OGT: variants seen among roughly 807,000 people sequenced by gnomAD.
OGT encodes the protein O-linked N-acetylglucosamine (GlcNAc) transferase, also known as UDP-N-acetylglucosamine--peptide N-acetylglucosaminyltransferase 110 kDa subunit.
Under a neutral mutation model 75.8 loss-of-function variants are expected in OGT, and 3 were observed. That is an observed-to-expected ratio of 0.04 (90% CI 0.02 to 0.10). OGT has a LOEUF of 0.10. Ranked by LOEUF, OGT falls within the 10% of genes least tolerant of loss-of-function variation. OGT has a pLI of 1.00. For missense variants in OGT, 260 were observed against 824.4 expected, an observed-to-expected ratio of 0.32 and a Z score of 8.38; for synonymous variants, 257 against 289.7, an observed-to-expected ratio of 0.89 and a Z score of 1.15.
intron 7 of OGT, 134 bp downstream of exon 7, chrX:71,555,519 C>T (rs1475014999): frequency 7.1e-6 from 4 of 565,029 alleles, no homozygotes; most frequent in Admixed American, 3.8e-5. Flanking sequence ...CTTAGGGTTT[C>T]GAGACCAGCC....
chrX:71,537,761 G>T, intron 2 of OGT, 68 bp from the exon 3 acceptor site: 2 of 1,150,278 alleles, frequency 1.7e-6, no homozygotes, highest in Non-Finnish European at 2.4e-6. Flanking sequence ...TGTTTGAGTT[G>T]CATATGGGCC....
chrX:71,539,979 T>A (rs2040206083), intron 3 of OGT, among the ~76,000 whole-genome samples: 1 of 112,392 alleles, frequency 8.9e-6, no homozygotes, highest in African/African-American at 3.2e-5. Flanking sequence ...ACCTTGCTAT[T>A]TAATATCTAA....
chrX:71,555,491 A>T (rs2040336637), intron 7 of OGT, 106 bp downstream of exon 7: 13 of 716,333 alleles, frequency 1.8e-5, no homozygotes, highest in South Asian at 1.1e-4. Flanking sequence ...GGAGGCCGAG[A>T]TCAGAGGATT....
At chrX:71,567,259 A>C (rs376210955) in intron 19 of OGT, among the ~76,000 whole-genome samples, 1 of 112,354 alleles carries the variant, frequency 8.9e-6, no homozygotes, top group African/African-American at 3.2e-5. Context: ...CAATTCCCGC[A>C]GGAGGTAGCT....
chrX:71,553,623 C>T (rs982369621), intron 5 of OGT: 1 of 110,480 alleles, frequency 9.1e-6, no homozygotes, highest in Non-Finnish European at 1.9e-5. Flanking sequence ...GCTGGGACTA[C>T]AGTTGCACAT....
At chrX:71,551,493 A>G (rs775203433) in intron 5 of OGT, among the ~76,000 whole-genome samples, 147 of 111,691 alleles carry the variant, frequency 1.3e-3, no homozygotes, top group Non-Finnish European at 1.9e-3. Flanking sequence ...TTAGCCAGGC[A>G]TGGTAGCAGG....
At position 71,550,874 on chromosome X, in the gene OGT, G is replaced by A. The variant is rs187343787; in HGVS notation, c.648+2851G>A. Among the ~76,000 whole-genome samples, 8 of 110,111 alleles carry A rather than the reference G, an allele frequency of 7.3e-5. No homozygotes were observed. The East Asian group carries it at 2.3e-3, about 31-fold the overall frequency. On this transcript the variant is annotated intron_variant, in intron 5 of 21. Transcript: ENST00000373719. ...AAAGTTGATTTCATAGAAACAGAGA[G>A]TAGAAGGGTGGTGAGGCTTGGGGGG...
At chrX:71,546,830 G>A in intron 4 of OGT, 1 of 754,750 alleles carries the variant, frequency 1.3e-6, no homozygotes, top group South Asian at 6.7e-5. Flanking sequence ...CATTGCGTGC[G>A]AATGAACCCC....
intron 4 of OGT, 70 bp downstream of exon 4, chrX:71,544,705 C>G: frequency 3.6e-6 from 3 of 841,142 alleles, no homozygotes; most frequent in Non-Finnish European, 5.2e-6. Flanking sequence ...AAGTCTTCAA[C>G]TCTTCATTGA....
At position 71,553,383 on chromosome X, in the gene OGT, C is replaced by T. The variant is rs547681930; in HGVS notation, c.649-1130C>T. On this transcript the variant is annotated intron_variant, in intron 5 of 21. Coordinates refer to ENST00000373719, the MANE Select transcript of OGT (RefSeq NM_181672.3). ...TGCTGGGATTACAGGCATGAGCCAC[C>T]GCGCCCAGCAGATGAAGTGTTCTTT... 3.6e-5 allele frequency among the ~76,000 whole-genome samples: 4 copies of T among 111,655 alleles called. No individual in the cohort carries two copies. In the South Asian group the frequency reaches 1.1e-3, roughly 31 times the overall value.
intron 1 of OGT, among the ~76,000 whole-genome samples, chrX:71,535,560 G>A (rs1277268046): frequency 1.8e-5 from 2 of 111,770 alleles, no homozygotes; most frequent in Non-Finnish European, 3.8e-5. Context: ...ATAGCACTTT[G>A]ACTTTTTGGT....
At chrX:71,553,267 A>G (rs996435194) in intron 5 of OGT, among the ~76,000 whole-genome samples, 4 of 109,560 alleles carry the variant, frequency 3.7e-5, no homozygotes, top group Non-Finnish European at 7.6e-5. Flanking sequence ...AATTTTTTGT[A>G]TTTTTTAGTA....
intron 2 of OGT, among the ~76,000 whole-genome samples, chrX:71,537,302 AT>A (rs1047998707): frequency 2.0e-5 from 2 of 98,354 alleles, no homozygotes; most frequent in Non-Finnish European, 2.1e-5. Flanking sequence ...TCTAGTTAGA[AT>A]TTTTTTCTTT....
intron 15 of OGT, 126 bp from the exon 16 acceptor site, chrX:71,562,721 A>G (rs1401164374): frequency 6.7e-6 from 4 of 597,886 alleles, no homozygotes; most frequent in Non-Finnish European, 9.7e-6. Flanking sequence ...TTTTTTAAAA[A>G]CCACTTTATT....
chrX:71,542,294 C>G (rs920787512), intron 3 of OGT, among the ~76,000 whole-genome samples: 3 of 111,660 alleles, frequency 2.7e-5, no homozygotes, highest in African/African-American at 9.8e-5. Context: ...TGGTGGTGCC[C>G]GTGCGTTTTC....
intron 19 of OGT, among the ~76,000 whole-genome samples, 174 bp downstream of exon 19, chrX:71,564,927 C>T (rs1191843621): frequency 1.8e-5 from 2 of 111,868 alleles, no homozygotes; most frequent in Admixed American, 9.5e-5. Flanking sequence ...GAGGCTGATG[C>T]GGGTGGATCA....
intron 5 of OGT, among the ~76,000 whole-genome samples, chrX:71,553,283 G>A (rs2040319781): frequency 9.0e-6 from 1 of 111,014 alleles, no homozygotes; most frequent in Non-Finnish European, 1.9e-5. Flanking sequence ...TAGTAGAGAC[G>A]GGGTTTCGCC....
chrX:71,544,791 G>C (rs2040248177), intron 4 of OGT, 156 bp downstream of exon 4: 3 of 465,222 alleles, frequency 6.4e-6, no homozygotes, highest in Admixed American at 3.4e-5. Context: ...AGCAGGGCCA[G>C]GCTTTGGCAT....
intron 5 of OGT, among the ~76,000 whole-genome samples, chrX:71,554,145 T>G (rs2040326898): frequency 1.8e-5 from 2 of 112,087 alleles, no homozygotes; most frequent in East Asian, 5.6e-4. Context: ...AGGTATATAT[T>G]TACCTTTTCA....
Sources: gnomAD v4.1 joint callset for allele counts (sites outside exome capture counted in the v4.1 genomes callset) on GRCh38, gnomAD v4.1.1 for gene constraint, MANE v1.5 for transcripts, NCBI Gene and HGNC (gene_info 2026-07-23, HGNC 2026-07-21) for gene names.